ZNF385D: variants seen among roughly 807,000 people sequenced by gnomAD.
ZNF385D encodes the protein zinc finger protein 659.
A neutral mutation model predicts 35.8 loss-of-function variants in ZNF385D; 15 were observed. That is an observed-to-expected ratio of 0.42 (90% confidence interval 0.28 to 0.64). The LOEUF (loss-of-function observed/expected upper bound fraction) is 0.64, where lower values mean the gene tolerates loss of function less well. Among genes scored for constraint, ZNF385D ranks in the 30% least tolerant of loss-of-function variants. The pLI is 0.23. For synonymous variants in ZNF385D, 212 were observed against 186.8 expected (o/e 1.13, Z -1.10); for missense variants, 474 against 494.6 (o/e 0.96, Z 0.39).
intron 4 of ZNF385D, among the ~76,000 whole-genome samples, chr3:21,456,498 A>G (rs1286016852): frequency 6.6e-6 from 1 of 152,148 alleles, no homozygotes; most frequent in Non-Finnish European, 1.5e-5. Context: ...AAAAAACCAA[A>G]CACCGCATGT....
At chr3:22,247,897 C>A (rs546527573) in intron 2 of ZNF385D, among the ~76,000 whole-genome samples, 1 of 152,020 alleles carries the variant, frequency 6.6e-6, no homozygotes, top group Non-Finnish European at 1.5e-5. Flanking sequence ...GCCACCACGC[C>A]CGGCCTACAA....
intron 2 of ZNF385D, among the ~76,000 whole-genome samples, chr3:22,329,679 T>C (rs1575131508): frequency 6.6e-6 from 1 of 152,282 alleles, no homozygotes; most frequent in African/African-American, 2.4e-5. Context: ...AAATATTATA[T>C]AGATCAACAC....
rs80296939 is a variant in ZNF385D, at chr3:22,183,027, T to C, written c.107-13992A>G. On this transcript the variant is annotated intron_variant, in intron 2 of 5. Transcript: ENST00000494108. ...TTAAATTGTAAAAAACTGGGTTTCTTAGACCTGAAAAGGAGGCAAGGAAGA... is the reference window on the plus strand; with the variant it reads ...TTAAATTGTAAAAAACTGGGTTTCTCAGACCTGAAAAGGAGGCAAGGAAGA... 9.2e-5 allele frequency among the ~76,000 whole-genome samples: 14 copies of C among 152,252 alleles called. No homozygotes were observed. The East Asian group carries it at 2.5e-3, about 27-fold the overall frequency.
Position 22,195,373 on chromosome 3 carries a change from C to T in ZNF385D, c.107-26338G>A, listed in dbSNP as rs115451337. Among the ~76,000 whole-genome samples, 839 of 152,042 alleles carry T rather than the reference C, an allele frequency of 5.5e-3. 8 individuals carry two copies. The highest frequency in any genetic ancestry group is 0.019 in the African/African-American group (794 of 41,536). On this transcript the variant is annotated intron_variant, in intron 2 of 5. Transcript: ENST00000494108. ...GAGATTACGTACCCACACATACACACAAACATATATATATTTTTTCTTTCT... is the reference window on the plus strand; with the variant it reads ...GAGATTACGTACCCACACATACACATAAACATATATATATTTTTTCTTTCT...
chr3:22,121,255 A>G (rs1576354470), intron 3 of ZNF385D, among the ~76,000 whole-genome samples: 1 of 152,286 alleles, frequency 6.6e-6, no homozygotes, highest in East Asian at 1.9e-4. Flanking sequence ...TGAAGCACAA[A>G]GACAAATAGA....
chr3:21,950,812 C>T (rs1250300475), intron 3 of ZNF385D, among the ~76,000 whole-genome samples: 1 of 151,678 alleles, frequency 6.6e-6, no homozygotes, highest in South Asian at 2.1e-4. Context: ...GAATCATTTC[C>T]CCATTGCTTG....
At chr3:22,263,495 G>A (rs1461388114) in intron 2 of ZNF385D, among the ~76,000 whole-genome samples, 2 of 151,758 alleles carry the variant, frequency 1.3e-5, no homozygotes, top group African/African-American at 2.4e-5. Context: ...GCTTTCTTAA[G>A]TTGTATGTTT....
chr3:22,198,668 G>A (rs1410800433), intron 2 of ZNF385D, among the ~76,000 whole-genome samples: 1 of 151,850 alleles, frequency 6.6e-6, no homozygotes, highest in African/African-American at 2.4e-5. Flanking sequence ...TTAAACAAAT[G>A]ACTACATATT....
At chr3:21,868,023 A>T (rs1312782927) in intron 3 of ZNF385D, among the ~76,000 whole-genome samples, 1 of 152,186 alleles carries the variant, frequency 6.6e-6, no homozygotes, top group Non-Finnish European at 1.5e-5. Context: ...CTGCAATAGT[A>T]ACAGTAACTA....
At chr3:22,314,279 C>CT (rs1191166219) in intron 2 of ZNF385D, among the ~76,000 whole-genome samples, 1 of 152,010 alleles carries the variant, frequency 6.6e-6, no homozygotes, top group Admixed American at 6.6e-5. Flanking sequence ...CCTTCCTACC[C>CT]TTTCCCCACT....
intron 2 of ZNF385D, among the ~76,000 whole-genome samples, chr3:21,652,778 T>G (rs993882966): frequency 2.0e-5 from 3 of 152,206 alleles, no homozygotes; most frequent in Non-Finnish European, 4.4e-5. Flanking sequence ...TCCAGTAGTA[T>G]TAATATTTTG....
chr3:21,792,160 G>C (rs1473565311), intron 3 of ZNF385D, among the ~76,000 whole-genome samples: 1 of 152,064 alleles, frequency 6.6e-6, no homozygotes, highest in Non-Finnish European at 1.5e-5. Context: ...AGTTTTTCTG[G>C]GGCATAATTT....
chr3:22,015,234 G>A (rs1408915698), intron 3 of ZNF385D, among the ~76,000 whole-genome samples: 5 of 152,166 alleles, frequency 3.3e-5, no homozygotes, highest in African/African-American at 1.2e-4. Flanking sequence ...TTTTATAGCA[G>A]CACTTTATCA....
At chr3:21,587,616 T>C (rs1451585549) in intron 2 of ZNF385D, among the ~76,000 whole-genome samples, 3 of 152,186 alleles carry the variant, frequency 2.0e-5, no homozygotes, top group African/African-American at 7.2e-5. Flanking sequence ...GTAGTAGATA[T>C]GTAAGAAACT....
intron 4 of ZNF385D, among the ~76,000 whole-genome samples, chr3:21,499,310 C>A (rs1326641531): frequency 2.0e-5 from 3 of 152,066 alleles, no homozygotes; most frequent in African/African-American, 7.2e-5. Context: ...TAAAAAAGAA[C>A]AAGATCATGT....
At chr3:21,942,271 A>G (rs922870121) in intron 3 of ZNF385D, among the ~76,000 whole-genome samples, 6 of 152,298 alleles carry the variant, frequency 3.9e-5, no homozygotes, top group African/African-American at 1.4e-4. Flanking sequence ...TTAAATGGTC[A>G]GAGGAGAATA....
At chr3:21,907,772 T>C (rs1053595145) in intron 3 of ZNF385D, among the ~76,000 whole-genome samples, 68 of 152,210 alleles carry the variant, frequency 4.5e-4, no homozygotes, top group Non-Finnish European at 7.9e-4. Flanking sequence ...AGGACAATTT[T>C]TCCAGTAATA....
intron 1 of ZNF385D, among the ~76,000 whole-genome samples, chr3:21,732,068 T>C (rs1286925820): frequency 8.2e-6 from 1 of 121,532 alleles, no homozygotes; most frequent in African/African-American, 3.5e-5. Context: ...TTTTTTTTTT[T>C]TGAGAACGGA....
At chr3:22,035,834 A>T (rs1385826039) in intron 3 of ZNF385D, among the ~76,000 whole-genome samples, 2 of 152,332 alleles carry the variant, frequency 1.3e-5, no homozygotes, top group Non-Finnish European at 2.9e-5. Flanking sequence ...GGATCTAAAA[A>T]TATTGTGGAT....
Sources: allele counts gnomAD v4.1 joint callset (sites outside exome capture counted in the v4.1 genomes callset), GRCh38; gene constraint gnomAD v4.1.1; transcripts MANE v1.5; gene names NCBI Gene and HGNC (gene_info 2026-07-23, HGNC 2026-07-21).